NLGN1: variants seen among roughly 807,000 people sequenced by gnomAD.
NLGN1 encodes neuroligin-1.
NLGN1 carries 12 observed loss-of-function variants against 65.5 expected under a neutral mutation model. The ratio of observed to expected loss-of-function variants is 0.18; its 90% confidence interval spans 0.12 to 0.30. The LOEUF (loss-of-function observed/expected upper bound fraction) is 0.30, where lower values mean the gene tolerates loss of function less well. NLGN1 is among the 10% of genes least tolerant of loss of function. The pLI, the probability that NLGN1 is intolerant of heterozygous loss-of-function variation, is 1.00. For synonymous variants in NLGN1, 350 were observed against 359.5 expected, an observed-to-expected ratio of 0.97 and a Z score of 0.30; for missense variants, 750 against 1,007.1, an observed-to-expected ratio of 0.74 and a Z score of 3.46.
intron 3 of NLGN1, chr3:173,800,395 A>G (rs1298682526): frequency 3.9e-6 from 3 of 774,814 alleles, no homozygotes; most frequent in Non-Finnish European, 3.6e-6. Flanking sequence ...AAGGGCCTCA[A>G]TCACTTTTTC....
At chr3:174,275,947 A>G (rs910440743) in intron 5 of NLGN1, among the ~76,000 whole-genome samples, 7 of 151,988 alleles carry the variant, frequency 4.6e-5, no homozygotes, top group Admixed American at 4.6e-4. Context: ...TATTAGTATG[A>G]AGCTAACGAA....
At chr3:173,798,727 G>T (rs1422736867) in intron 3 of NLGN1, among the ~76,000 whole-genome samples, 3 of 152,020 alleles carry the variant, frequency 2.0e-5, no homozygotes, top group Non-Finnish European at 2.9e-5. Flanking sequence ...CCCTGTCTGT[G>T]TTTGAAATGA....
At chr3:173,931,674 T>C (rs999535279) in intron 4 of NLGN1, among the ~76,000 whole-genome samples, 2 of 152,110 alleles carry the variant, frequency 1.3e-5, no homozygotes, top group Non-Finnish European at 2.9e-5. Flanking sequence ...TGTTAGATCA[T>C]TGAAGAATTT....
At chr3:173,426,024 T>G (rs921175828) in intron 1 of NLGN1, among the ~76,000 whole-genome samples, 29 of 152,160 alleles carry the variant, frequency 1.9e-4, no homozygotes, top group African/African-American at 6.8e-4. Context: ...TTTTATAGTT[T>G]TTATGGCAGA....
chr3:173,813,577 C>T (rs1017204455), intron 4 of NLGN1, among the ~76,000 whole-genome samples: 30 of 152,184 alleles, frequency 2.0e-4, no homozygotes, highest in African/African-American at 7.2e-4. Context: ...TTCATTTATT[C>T]ATACTAATTT....
exon 7 of NLGN1, chr3:174,283,097 T>C (rs1428305337): frequency 6.6e-6 from 1 of 151,716 alleles, no homozygotes; most frequent in Non-Finnish European, 1.5e-5. Flanking sequence ...CTAAAATGTT[T>C]ATTGCTGTTT....
chr3:173,915,081 G>T (rs6786075), intron 4 of NLGN1: 42,813 of 152,084 alleles, frequency 0.28, 6,813 homozygotes, highest in African/African-American at 0.43. Flanking sequence ...TTAGCTGGTT[G>T]GAGCAACATA....
At chr3:173,940,193 A>G (rs1282898762) in intron 4 of NLGN1, among the ~76,000 whole-genome samples, 1 of 143,644 alleles carries the variant, frequency 7.0e-6, no homozygotes, top group Non-Finnish European at 1.5e-5. Flanking sequence ...GGTTCAAGCG[A>G]TTCTCCTGCC....
intron 4 of NLGN1, among the ~76,000 whole-genome samples, chr3:174,028,904 G>T (rs890933728): frequency 2.6e-5 from 4 of 152,184 alleles, no homozygotes; most frequent in African/African-American, 7.2e-5. Flanking sequence ...GCTTTGTGCG[G>T]TCTCAAGACT....
intron 5 of NLGN1, 129 bp downstream of exon 5, chr3:174,275,656 T>C: frequency 1.6e-6 from 1 of 629,198 alleles, no homozygotes; most frequent in East Asian, 2.7e-5. Flanking sequence ...TTTAAAGCTT[T>C]GTTTCTTCAG....
At chr3:174,147,147 G>T (rs1195871970) in intron 4 of NLGN1, among the ~76,000 whole-genome samples, 2 of 152,074 alleles carry the variant, frequency 1.3e-5, no homozygotes, top group East Asian at 3.9e-4. Flanking sequence ...GTTACGGCCG[G>T]TATTTTTTGT....
intron 4 of NLGN1, among the ~76,000 whole-genome samples, chr3:173,823,550 A>G (rs1204294248): frequency 6.6e-6 from 1 of 152,090 alleles, no homozygotes; most frequent in East Asian, 1.9e-4. Flanking sequence ...CCCACTAAAC[A>G]ATACAGTTGT....
chr3:173,943,649 G>A (rs1389035785), intron 4 of NLGN1, among the ~76,000 whole-genome samples: 1 of 152,138 alleles, frequency 6.6e-6, no homozygotes, highest in East Asian at 1.9e-4. Flanking sequence ...TCGGCTTCTT[G>A]GTTCGTGGGA....
At chr3:173,936,612 G>C (rs1745117483) in intron 4 of NLGN1, among the ~76,000 whole-genome samples, 1 of 152,004 alleles carries the variant, frequency 6.6e-6, no homozygotes, top group Admixed American at 6.6e-5. Flanking sequence ...CCACAAGATT[G>C]AAGATAGGAC....
intron 3 of NLGN1, among the ~76,000 whole-genome samples, chr3:173,650,121 A>C (rs925025927): frequency 2.0e-5 from 3 of 149,536 alleles, no homozygotes; most frequent in African/African-American, 7.5e-5. Flanking sequence ...TATCTTTATC[A>C]ACTTTCTTAC....
chr3:173,589,660 G>A (rs1000237059), intron 2 of NLGN1, among the ~76,000 whole-genome samples: 3 of 152,196 alleles, frequency 2.0e-5, no homozygotes, highest in Non-Finnish European at 2.9e-5. Flanking sequence ...AAATAATCAG[G>A]CAATGATATG....
At chr3:174,168,838 C>T (rs1728014825) in intron 4 of NLGN1, among the ~76,000 whole-genome samples, 2 of 152,172 alleles carry the variant, frequency 1.3e-5, no homozygotes, top group South Asian at 2.1e-4. Flanking sequence ...GCCTAAGACA[C>T]TCAGAGGTGT....
intron 4 of NLGN1, among the ~76,000 whole-genome samples, chr3:173,953,770 C>G (rs1579388624): frequency 1.3e-5 from 2 of 152,090 alleles, no homozygotes; most frequent in Admixed American, 1.3e-4. Flanking sequence ...TCTTGAACTC[C>G]TGGACTCAAG....
chr3:173,679,851 A>G (rs1763714468), intron 3 of NLGN1, among the ~76,000 whole-genome samples: 1 of 152,258 alleles, frequency 6.6e-6, no homozygotes, highest in African/African-American at 2.4e-5. Context: ...ATGGCCATCA[A>G]TGAATGAGAC....
Sources: allele counts gnomAD v4.1 joint callset (sites outside exome capture counted in the v4.1 genomes callset), GRCh38; gene constraint gnomAD v4.1.1; transcripts MANE v1.5; gene names NCBI Gene and HGNC (gene_info 2026-07-23, HGNC 2026-07-21).